Variants in SLC43A2 observed in about 807,000 individuals in gnomAD.
SLC43A2 encodes the protein solute carrier family 43 member 2.
In SLC43A2, 38 loss-of-function variants were observed where a neutral mutation model predicts 63.2. The ratio of observed to expected loss-of-function variants is 0.60; its 90% CI spans 0.46 to 0.79. The LOEUF (loss-of-function observed/expected upper bound fraction) is 0.79, where lower values mean the gene tolerates loss of function less well. Ranked by LOEUF, SLC43A2 falls within the 30% of genes least tolerant of loss-of-function variation. The probability of loss-of-function intolerance (pLI) is 0.00; values close to 1 mark genes in which losing one functional copy is unlikely to be tolerated. For missense variants in SLC43A2, 644 were observed against 756.2 expected (o/e 0.85, Z 1.74); for synonymous variants, 322 against 331.0 (o/e 0.97, Z 0.30).
At chr17:1,604,636 G>T in intron 5 of SLC43A2, 1 of 1,252,778 alleles carries the variant, frequency 8.0e-7, no homozygotes, top group Non-Finnish European at 1.1e-6. Context: ...AGCCTCCTGA[G>T]CAGCTGAGAC....
At chr17:1,607,188 T>C (rs1272805532) in intron 5 of SLC43A2, among the ~76,000 whole-genome samples, 1 of 151,988 alleles carries the variant, frequency 6.6e-6, no homozygotes, top group Non-Finnish European at 1.5e-5. Context: ...AGCCCCAACA[T>C]GGTTGTTGAA....
In SLC43A2 at chr17:1,576,592, C is replaced by T. The variant is rs778765651; in HGVS notation, c.1548+5G>A. ...CATGACCCACCATCCCCCGACCCCT[C>T]TTACCCACAGAGGGTCTCCCTGGAG... is the stretch of plus-strand genomic sequence containing the variant. On this transcript the variant is annotated splice_donor_5th_base_variant and intron_variant, in intron 13 of 13. Transcript: ENST00000301335. 6.2e-7 allele frequency: 1 copy of T among 1,602,858 alleles called. No homozygotes were observed. The highest frequency in any genetic ancestry group is 1.1e-5 in the South Asian group (1 of 90,850).
At chr17:1,599,139 G>C (rs1384705297) in intron 5 of SLC43A2, among the ~76,000 whole-genome samples, 1 of 152,034 alleles carries the variant, frequency 6.6e-6, no homozygotes, top group Non-Finnish European at 1.5e-5. Flanking sequence ...ACGAGATCGA[G>C]ACCATCCTGG....
chr17:1,628,495 T>C (rs978357827), intron 1 of SLC43A2, among the ~76,000 whole-genome samples: 13 of 151,462 alleles, frequency 8.6e-5, no homozygotes, highest in Non-Finnish European at 1.9e-4. Flanking sequence ...TCTAGGTCGC[T>C]AGGCGCTGCG....
intron 5 of SLC43A2, among the ~76,000 whole-genome samples, chr17:1,595,008 C>T (rs1905174490): frequency 6.6e-6 from 1 of 151,998 alleles, no homozygotes; most frequent in Admixed American, 6.6e-5. Context: ...GAAACCCTGC[C>T]TCTGTATCTT....
chr17:1,592,716 G>A (rs1318520541), intron 6 of SLC43A2, among the ~76,000 whole-genome samples: 2 of 152,222 alleles, frequency 1.3e-5, no homozygotes, highest in Non-Finnish European at 2.9e-5. Flanking sequence ...ACTGTGAGGT[G>A]TTTGCTTCGT....
chr17:1,600,212 G>GCTAT (rs1227788099), intron 5 of SLC43A2, among the ~76,000 whole-genome samples: 2 of 120,732 alleles, frequency 1.7e-5, no homozygotes, highest in African/African-American at 6.2e-5. Flanking sequence ...GTGCAGTAGT[G>GCTAT]CTATCTCGGC....
rs1197275102 is a variant in SLC43A2 at position 1,574,062 on chromosome 17, G to C, written c.*1542C>G. On this transcript the variant is annotated 3_prime_UTR_variant, in exon 14 of 14. Coordinates refer to ENST00000301335, the MANE Select transcript of SLC43A2 (RefSeq NM_152346.3). ...CTCCCTGCCGCCCACATCCTGAACT[G>C]CTCTGAGCCTGCAGAAGAACCCAGC... 1.3e-5 allele frequency: 2 copies of C among 152,382 alleles called. No homozygotes were observed. Among genetic ancestry groups the C allele is most frequent in the African/African-American group, 4.8e-5 (2 of 41,412 alleles). 9.4% of individuals were successfully genotyped at this position (152,382 alleles called of 1,614,324 possible). A position where few individuals can be genotyped will look rare whatever the true frequency, so the allele number is the denominator to read the frequency against.
At position 1,589,094 on chromosome 17, in the gene SLC43A2, G is replaced by A. The variant is rs188867848; in HGVS notation, c.1078+1708C>T. Among the ~76,000 whole-genome samples the A allele has an allele frequency of 2.2e-4, 34 of 152,348 alleles. No individual in the cohort carries two copies. In the East Asian group the frequency reaches 6.2e-3, roughly 28 times the overall value. The stretch of plus-strand genomic sequence containing the variant: ...GGAGGAGGGGGAAAACCAGTGCCTC[G>A]TCTGCCACAGACCAACCTTCCTGGC... On this transcript the variant is annotated intron_variant, in intron 9 of 13. Transcript: ENST00000301335.
intron 4 of SLC43A2, among the ~76,000 whole-genome samples, chr17:1,613,501 G>A (rs1001312799): frequency 1.3e-5 from 2 of 152,074 alleles, no homozygotes; most frequent in African/African-American, 4.8e-5. Context: ...CACCCAGGCT[G>A]GAGTGCAATG....
chr17:1,620,057 G>T (rs1908012797), intron 2 of SLC43A2, among the ~76,000 whole-genome samples: 1 of 152,148 alleles, frequency 6.6e-6, no homozygotes, highest in Non-Finnish European at 1.5e-5. Flanking sequence ...CTCATCTAGA[G>T]CCAGAAGATA....
Position 1,578,321 on chromosome 17 carries a change from G to A in SLC43A2, c.1353C>T (p.Ile451=), listed in dbSNP as rs772570118. The A allele has an allele frequency of 1.2e-6, 2 of 1,613,788 alleles. No homozygotes were observed. The highest frequency in any genetic ancestry group is 3.3e-5 in the Admixed American group (2 of 60,014). ...CGATTGTGTGCAGGATGAAGGAGAG[G>A]ATCTGGGGGAGGAAAAGGCGACTGT... is the stretch of plus-strand genomic sequence containing the variant. ...TCLIPNLPLQ[I]LSFILHTIVR... is the part of the protein sequence containing the mutation. Residue 451 remains isoleucine (I), a splice_region_variant and synonymous_variant, in exon 12 of 14, where the codon ATC becomes ATT. Coordinates refer to ENST00000301335, the MANE Select transcript of SLC43A2 (RefSeq NM_152346.3). This position sits in a 1 kb window ranked among gnomAD's most constrained non-coding sequence, Gnocchi z 6.5.
In SLC43A2 at chr17:1,606,964, A is replaced by G. The variant is rs4790232; in HGVS notation, c.501+6231T>C. On this transcript the variant is annotated intron_variant, in intron 5 of 13. Coordinates refer to ENST00000301335, the MANE Select transcript of SLC43A2 (RefSeq NM_152346.3). The surrounding 1 kb of genome is among the most constrained non-coding windows in gnomAD (Gnocchi z 4.7). ...CTCTTGGGCTCTGGAAGGATGGCTC[A>G]TGGCCATCTCCTTCTGGACTACAAG... 0.39 allele frequency among the ~76,000 whole-genome samples: 58,602 copies of G among 152,078 alleles called. 11,939 individuals are homozygous for G. The highest frequency in any genetic ancestry group is 0.52 in the African/African-American group (21,438 of 41,504).
In SLC43A2 at chr17:1,608,682, C is replaced by T. The variant is rs118102311; in HGVS notation, c.501+4513G>A. Reference sequence around the variant, plus strand: ...GTGCTGGGATTACAGGTGTGAGCCACCGCACCCGGCCACCGCAGTGGTTTT... The same window carrying T: ...GTGCTGGGATTACAGGTGTGAGCCATCGCACCCGGCCACCGCAGTGGTTTT... On this transcript the variant is annotated intron_variant, in intron 5 of 13. Transcript: ENST00000301335. Among the ~76,000 whole-genome samples the T allele has an allele frequency of 3.7e-3, 564 of 152,282 alleles. 3 individuals carry two copies. In the East Asian group the frequency reaches 0.039, roughly 11 times the overall value.
At chr17:1,620,574 C>A (rs1244344955) in intron 2 of SLC43A2, among the ~76,000 whole-genome samples, 1 of 152,136 alleles carries the variant, frequency 6.6e-6, no homozygotes, top group African/African-American at 2.4e-5. Context: ...GCCGATGGGG[C>A]CACCAGGCCC....
intron 11 of SLC43A2, among the ~76,000 whole-genome samples, chr17:1,580,108 G>A (rs2151030024): frequency 6.6e-6 from 1 of 152,054 alleles, no homozygotes; most frequent in Non-Finnish European, 1.5e-5. Flanking sequence ...TGTATTTTTT[G>A]TAGAGACGGG....
Position 1,587,727 on chromosome 17 carries a change from C to G in SLC43A2, c.1079-1676G>C, listed in dbSNP as rs531882783. ...TGATAGTATCTATCATAAATGATGA[C>G]GTAAACAGATGATAGTATCTATTTA... is the stretch of plus-strand genomic sequence containing the variant. On this transcript the variant is annotated intron_variant, in intron 9 of 13. Coordinates refer to ENST00000301335, the MANE Select transcript of SLC43A2 (RefSeq NM_152346.3). Among the ~76,000 whole-genome samples, 3 of 152,156 alleles carry G rather than the reference C, an allele frequency of 2.0e-5. 1 individual carries two copies. The highest frequency in any genetic ancestry group is 6.6e-5 in the Admixed American group (1 of 15,260).
In SLC43A2 at chr17:1,627,610, A is replaced by G. The variant is rs1010457225; in HGVS notation, c.160+105T>C. ...ATGGGCCTTCTGATACCCTAGAGGC[A>G]CTGGGCAATGCGGTGCTGTGGCTCG... is the stretch of plus-strand genomic sequence containing the variant. On this transcript the variant is annotated intron_variant, in intron 2 of 13. Coordinates refer to ENST00000301335, the MANE Select transcript of SLC43A2 (RefSeq NM_152346.3). The G allele has an allele frequency of 2.2e-5, 21 of 964,214 alleles. No individual in the cohort carries two copies. The Admixed American group carries it at 6.6e-4, about 30-fold the overall frequency. 59.7% of individuals were successfully genotyped at this position (964,214 alleles called of 1,614,324 possible).
chr17:1,607,151 C>G (rs2151066715), intron 5 of SLC43A2, among the ~76,000 whole-genome samples: 1 of 152,222 alleles, frequency 6.6e-6, no homozygotes. Flanking sequence ...CCCTAGAGTC[C>G]TGGGTTATCA....
Sources: allele counts gnomAD v4.1 joint callset (sites outside exome capture counted in the v4.1 genomes callset), GRCh38; gene constraint gnomAD v4.1.1; non-coding constraint Gnocchi (gnomAD v3.1); transcripts MANE v1.5; gene names NCBI Gene and HGNC (gene_info 2026-07-23, HGNC 2026-07-21).